Variants in NYAP2 observed in about 807,000 individuals in gnomAD.
The protein encoded by NYAP2 is neuronal tyrosine-phosphorylated phosphoinositide-3-kinase adaptor 2, also known as neuronal tyrosine-phosphorylated phosphoinositide-3-kinase adapter 2.
A neutral mutation model predicts 50.4 loss-of-function variants in NYAP2; 23 were observed. The ratio of observed to expected loss-of-function variants is 0.46; its 90% confidence interval spans 0.33 to 0.65. The LOEUF (loss-of-function observed/expected upper bound fraction) is 0.65, where lower values mean the gene tolerates loss of function less well. Ranked by LOEUF, NYAP2 falls within the 30% of genes least tolerant of loss-of-function variation. The pLI, the probability that NYAP2 is intolerant of heterozygous loss-of-function variation, is 0.02. For synonymous variants in NYAP2, 394 were observed against 365.2 expected, an observed-to-expected ratio of 1.08 and a Z score of -0.90; for missense variants, 885 against 861.0, an observed-to-expected ratio of 1.03 and a Z score of -0.35.
At chr2:225,474,467 G>A (rs1465544578) in intron 3 of NYAP2, among the ~76,000 whole-genome samples, 1 of 152,090 alleles carries the variant, frequency 6.6e-6, no homozygotes, top group African/African-American at 2.4e-5. Flanking sequence ...CCATTTGTTT[G>A]TATCCTCTTT....
At chr2:225,498,593 G>A (rs949965073) in intron 3 of NYAP2, among the ~76,000 whole-genome samples, 5 of 149,714 alleles carry the variant, frequency 3.3e-5, no homozygotes, top group Non-Finnish European at 7.4e-5. Context: ...TTAGGTCAAT[G>A]AATGCATTAT....
In NYAP2 at chr2:225,411,608, A is replaced by AT. The variant is rs1424482928; in HGVS notation, c.221+2508dup. On this transcript the variant is annotated intron_variant, in intron 3 of 6. Coordinates refer to ENST00000636099, the Ensembl canonical transcript of NYAP2. Reference sequence around the variant, plus strand: ...AAGGACTTAAATTTAAATAGAGATGATAAAAAAAAAACCCAGGGTTGCCCC... The same window carrying AT: ...AAGGACTTAAATTTAAATAGAGATGATTAAAAAAAAAACCCAGGGTTGCCCC... 6.6e-5 allele frequency among the ~76,000 whole-genome samples: 10 copies of AT among 151,576 alleles called. No individual in the cohort carries two copies. The East Asian group carries it at 1.7e-3, about 26-fold the overall frequency.
chr2:225,663,304 C>G, the NYAP2 span, among the ~76,000 whole-genome samples: 2 of 152,154 alleles, frequency 1.3e-5, no homozygotes, highest in South Asian at 4.1e-4. Flanking sequence ...CCAGCTCCAG[C>G]CTCTAAACTC....
At chr2:225,542,877 A>T (rs1691502568) in intron 4 of NYAP2, among the ~76,000 whole-genome samples, 1 of 152,122 alleles carries the variant, frequency 6.6e-6, no homozygotes, top group South Asian at 2.1e-4. Flanking sequence ...AGAATTCAGC[A>T]ATAAAGCCAT....
At chr2:225,588,298 G>T (rs533441811) in intron 5 of NYAP2, among the ~76,000 whole-genome samples, 1 of 151,750 alleles carries the variant, frequency 6.6e-6, no homozygotes, top group East Asian at 1.9e-4. Flanking sequence ...TAGATCTGAT[G>T]AAATAGAATT....
At chr2:225,619,207 G>A (rs1395859541) in intron 5 of NYAP2, among the ~76,000 whole-genome samples, 1 of 152,194 alleles carries the variant, frequency 6.6e-6, no homozygotes, top group East Asian at 1.9e-4. Flanking sequence ...TATGGAAATT[G>A]GGGTTCAGGA....
At chr2:225,703,448 C>T in the NYAP2 span, 1 of 151,614 alleles carries the variant, frequency 6.6e-6, no homozygotes, top group Non-Finnish European at 1.5e-5. Context: ...ATAATATAAA[C>T]ACTGATGTTT....
the NYAP2 span, chr2:225,699,683 T>C: frequency 2.0e-5 from 3 of 151,862 alleles, no homozygotes; most frequent in Non-Finnish European, 4.4e-5. Flanking sequence ...ATCACACCCA[T>C]TCTTACTGAT....
chr2:225,465,589 G>A (rs976234151), intron 3 of NYAP2, among the ~76,000 whole-genome samples: 5 of 152,040 alleles, frequency 3.3e-5, no homozygotes, highest in African/African-American at 7.2e-5. Flanking sequence ...GGTGGCGGGC[G>A]CCTGTAATCC....
chr2:225,578,077 T>C (rs1305434927), intron 4 of NYAP2, among the ~76,000 whole-genome samples: 1 of 151,888 alleles, frequency 6.6e-6, no homozygotes, highest in South Asian at 2.1e-4. Flanking sequence ...GGATTATAAG[T>C]ATGCATCACC....
intron 3 of NYAP2, among the ~76,000 whole-genome samples, chr2:225,492,449 C>T (rs1014009601): frequency 1.3e-5 from 2 of 152,086 alleles, no homozygotes; most frequent in Admixed American, 6.6e-5. Flanking sequence ...TTTCCATTTG[C>T]AAAACAGGGG....
At chr2:225,523,037 A>C (rs1023436277) in intron 4 of NYAP2, among the ~76,000 whole-genome samples, 1 of 152,106 alleles carries the variant, frequency 6.6e-6, no homozygotes, top group Non-Finnish European at 1.5e-5. Flanking sequence ...AAACAAATTG[A>C]GTGTGTTCAT....
At position 225,458,779 on chromosome 2, in the gene NYAP2, A is replaced by G. The variant is rs72974557; in HGVS notation, c.221+49678A>G. On this transcript the variant is annotated intron_variant, in intron 3 of 6. Transcript: ENST00000636099. ...TGGTATGTTTTGGTTTATTGGAAATATAAACATCTAGTTCCTTCTTACCAC... is the reference window on the plus strand; with the variant it reads ...TGGTATGTTTTGGTTTATTGGAAATGTAAACATCTAGTTCCTTCTTACCAC... 6.0e-3 allele frequency among the ~76,000 whole-genome samples: 920 copies of G among 152,372 alleles called. 4 individuals are homozygous for G. The highest frequency in any genetic ancestry group is 9.0e-3 in the Non-Finnish European group (613 of 68,038).
At chr2:225,685,921 T>C in the NYAP2 span, among the ~76,000 whole-genome samples, 1 of 152,174 alleles carries the variant, frequency 6.6e-6, no homozygotes, top group Non-Finnish European at 1.5e-5. Context: ...TTTTAGCCAA[T>C]TTCAGACACA....
At chr2:225,544,224 T>TG (rs1691527019) in intron 4 of NYAP2, among the ~76,000 whole-genome samples, 1 of 151,524 alleles carries the variant, frequency 6.6e-6, no homozygotes, top group Non-Finnish European at 1.5e-5. Flanking sequence ...ATTGGGTGTT[T>TG]TTTTTTTTTA....
chr2:225,699,724 T>C, the NYAP2 span: 1 of 151,884 alleles, frequency 6.6e-6, no homozygotes, highest in Non-Finnish European at 1.5e-5. Context: ...ATTATGATCA[T>C]GTTTCATTTC....
intron 3 of NYAP2, among the ~76,000 whole-genome samples, chr2:225,461,517 T>C (rs1304306497): frequency 6.6e-6 from 1 of 152,218 alleles, no homozygotes; most frequent in Non-Finnish European, 1.5e-5. Context: ...GATAAACTGG[T>C]CTCTTTCTGT....
intron 3 of NYAP2, among the ~76,000 whole-genome samples, chr2:225,488,295 T>C (rs1690338860): frequency 6.6e-6 from 1 of 152,220 alleles, no homozygotes; most frequent in South Asian, 2.1e-4. Flanking sequence ...ACAGATTTTG[T>C]TTATTTAACT....
chr2:225,651,023 A>G (rs558939347), intron 6 of NYAP2, among the ~76,000 whole-genome samples: 1 of 152,368 alleles, frequency 6.6e-6, no homozygotes, highest in Admixed American at 6.5e-5. Flanking sequence ...AGGAAGGAAA[A>G]CAGAACATTT....
Sources: gnomAD v4.1 joint callset for allele counts (sites outside exome capture counted in the v4.1 genomes callset) on GRCh38, gnomAD v4.1.1 for gene constraint, MANE v1.5 for transcripts, NCBI Gene and HGNC (gene_info 2026-07-23, HGNC 2026-07-21) for gene names.